The following CCDC148 variants were observed in gnomAD, a reference collection of about 807,000 sequenced individuals.
The protein encoded by CCDC148 is coiled-coil domain containing 148.
Under a neutral mutation model 85.7 loss-of-function variants are expected in CCDC148, and 89 were observed. The ratio of observed to expected loss-of-function variants is 1.04; its 90% CI spans 0.87 to 1.24. The LOEUF is 1.24. Ranked by LOEUF, CCDC148 falls within the 50% of genes most tolerant of loss-of-function variation. CCDC148 has a pLI of 0.00. For synonymous variants in CCDC148, 230 were observed against 213.9 expected (o/e 1.08, Z -0.66); for missense variants, 692 against 671.7 (o/e 1.03, Z -0.33).
chr2:158,333,327 G>A (rs976342979), intron 7 of CCDC148, among the ~76,000 whole-genome samples: 5 of 151,956 alleles, frequency 3.3e-5, no homozygotes, highest in East Asian at 3.9e-4. Context: ...GTAGTTGTGC[G>A]GTTTTGAGTT....
chr2:158,257,475 A>G (rs1559022883), intron 9 of CCDC148, among the ~76,000 whole-genome samples: 1 of 151,922 alleles, frequency 6.6e-6, no homozygotes, highest in African/African-American at 2.4e-5. Flanking sequence ...TTAATCTTAT[A>G]TATTTCGTTT....
At chr2:158,186,170 G>A (rs1431646232) in intron 11 of CCDC148, among the ~76,000 whole-genome samples, 1 of 152,024 alleles carries the variant, frequency 6.6e-6, no homozygotes, top group Non-Finnish European at 1.5e-5. Flanking sequence ...TCTGTTCTAT[G>A]GTTCTTGGAA....
chr2:158,434,838 T>A (rs1687560056), intron 1 of CCDC148, among the ~76,000 whole-genome samples: 1 of 152,152 alleles, frequency 6.6e-6, no homozygotes, highest in Non-Finnish European at 1.5e-5. Flanking sequence ...ATGCACAAGC[T>A]TTAGTAGCCA....
intron 1 of CCDC148, among the ~76,000 whole-genome samples, chr2:158,401,553 G>T (rs1273627893): frequency 1.3e-5 from 2 of 152,082 alleles, no homozygotes; most frequent in Non-Finnish European, 2.9e-5. Context: ...GGTGGTGGGG[G>T]ACTGGAGAGG....
chr2:158,354,750 C>T (rs1399580679), intron 2 of CCDC148, among the ~76,000 whole-genome samples: 2 of 150,594 alleles, frequency 1.3e-5, no homozygotes, highest in African/African-American at 2.4e-5. Flanking sequence ...CATTCTGATA[C>T]CAAAGCCGGG....
At position 158,176,671 on chromosome 2, in the gene CCDC148, A is replaced by C; in HGVS notation, c.1489-10T>G. The C allele has an allele frequency of 1.2e-6, 2 of 1,611,482 alleles. No individual in the cohort carries two copies. Among genetic ancestry groups the C allele is most frequent in the Non-Finnish European group, 1.7e-6 (2 of 1,178,606 alleles). On this transcript the variant is annotated splice_polypyrimidine_tract_variant and intron_variant, in intron 12 of 13. Coordinates refer to ENST00000283233, the MANE Select transcript of CCDC148 (RefSeq NM_138803.4). Reference sequence around the variant, plus strand: ...GAGCAACAACAGCAACCTAAAAATGAGAAAGCATGGCTACTTGGAACAAGG... The same window carrying C: ...GAGCAACAACAGCAACCTAAAAATGCGAAAGCATGGCTACTTGGAACAAGG...
intron 11 of CCDC148, among the ~76,000 whole-genome samples, chr2:158,212,073 T>G (rs1686608286): frequency 6.6e-6 from 1 of 152,216 alleles, no homozygotes; most frequent in Non-Finnish European, 1.5e-5. Flanking sequence ...TTTCCATGTC[T>G]TAAGTTACTG....
intron 1 of CCDC148, among the ~76,000 whole-genome samples, chr2:158,455,043 A>AT (rs899395560): frequency 3.5e-4 from 53 of 152,144 alleles, no homozygotes; most frequent in African/African-American, 9.4e-4. Context: ...GAAAAGACCC[A>AT]TTTTTTCTTT....
At chr2:158,280,618 T>C (rs1290553225) in intron 9 of CCDC148, among the ~76,000 whole-genome samples, 2 of 152,102 alleles carry the variant, frequency 1.3e-5, no homozygotes, top group Non-Finnish European at 2.9e-5. Context: ...AGCACCCAGA[T>C]TCATAAAGCA....
chr2:158,395,795 A>G (rs1685496188), intron 1 of CCDC148, among the ~76,000 whole-genome samples: 1 of 152,124 alleles, frequency 6.6e-6, no homozygotes, highest in Admixed American at 6.6e-5. Context: ...AGTTGCTGCT[A>G]TTATTTTTTG....
In CCDC148 at chr2:158,393,670, C is replaced by T. The variant is rs377126150; in HGVS notation, c.26-35100G>A. 2.0e-5 allele frequency among the ~76,000 whole-genome samples: 3 copies of T among 152,176 alleles called. No individual in the cohort carries two copies. The South Asian group carries it at 6.2e-4, about 32-fold the overall frequency. On this transcript the variant is annotated intron_variant, in intron 1 of 13. Coordinates refer to ENST00000283233, the MANE Select transcript of CCDC148 (RefSeq NM_138803.4). ...CTGCTGATGCCAAGAACACCGATGG[C>T]TTCAATTTTGAAAAGGGCAGCCAAA...
chr2:158,405,803 G>T (rs1685973266), intron 1 of CCDC148, among the ~76,000 whole-genome samples: 2 of 152,058 alleles, frequency 1.3e-5, no homozygotes, highest in African/African-American at 4.8e-5. Context: ...GCATTTATTG[G>T]ATAGTACATT....
chr2:158,359,292 G>T (rs915547164), intron 1 of CCDC148, among the ~76,000 whole-genome samples: 2 of 152,038 alleles, frequency 1.3e-5, no homozygotes, highest in Non-Finnish European at 2.9e-5. Flanking sequence ...TAAAGTAATT[G>T]GATTTATTAA....
chr2:158,380,783 A>G (rs1204232489), intron 1 of CCDC148: 1 of 152,176 alleles, frequency 6.6e-6, no homozygotes, highest in Non-Finnish European at 1.5e-5. Flanking sequence ...AGGTCAATGA[A>G]CAGTATAAAG....
intron 10 of CCDC148, among the ~76,000 whole-genome samples, chr2:158,234,416 A>G (rs559287453): frequency 2.6e-5 from 4 of 152,318 alleles, no homozygotes; most frequent in Middle Eastern, 3.4e-3. Flanking sequence ...TTAGCAACCA[A>G]TCTCCAAGGT....
intron 1 of CCDC148, among the ~76,000 whole-genome samples, chr2:158,448,469 C>T (rs1459418101): frequency 2.6e-5 from 4 of 151,586 alleles, no homozygotes; most frequent in Non-Finnish European, 5.9e-5. Flanking sequence ...CACCTCAGAC[C>T]CCTGAGGAGC....
At chr2:158,275,064 G>T (rs1347780087) in intron 9 of CCDC148, among the ~76,000 whole-genome samples, 1 of 152,252 alleles carries the variant, frequency 6.6e-6, no homozygotes, top group Non-Finnish European at 1.5e-5. Context: ...ACAAGGAAAA[G>T]GAGGAGGAGG....
intron 11 of CCDC148, among the ~76,000 whole-genome samples, chr2:158,200,167 T>C (rs1459781829): frequency 6.6e-6 from 1 of 152,226 alleles, no homozygotes; most frequent in East Asian, 1.9e-4. Flanking sequence ...TCTAGGTTCA[T>C]GCCCTGAAAT....
chr2:158,279,176 G>C (rs1204155071), intron 9 of CCDC148, among the ~76,000 whole-genome samples: 1 of 152,036 alleles, frequency 6.6e-6, no homozygotes, highest in Non-Finnish European at 1.5e-5. Flanking sequence ...ACAAACATGG[G>C]GAATAAACAG....
Sources: allele counts gnomAD v4.1 joint callset (sites outside exome capture counted in the v4.1 genomes callset), GRCh38; gene constraint gnomAD v4.1.1; transcripts MANE v1.5; gene names NCBI Gene and HGNC (gene_info 2026-07-23, HGNC 2026-07-21).